Variants in AUTS2 observed in about 807,000 individuals in gnomAD.
AUTS2 encodes autism susceptibility gene 2 protein.
A neutral mutation model predicts 112.4 loss-of-function variants in AUTS2; 17 were observed. That is an observed-to-expected ratio of 0.15 (90% CI 0.10 to 0.23). AUTS2 has a LOEUF of 0.23. AUTS2 is among the 10% of genes least tolerant of loss of function. The pLI, the probability that AUTS2 is intolerant of heterozygous loss-of-function variation, is 1.00. For synonymous variants in AUTS2, 751 were observed against 702.7 expected (o/e 1.07, Z -1.09); for missense variants, 1,510 against 1,701.6 (o/e 0.89, Z 1.98).
At chr7:70,260,459 G>A (rs957300491) in intron 4 of AUTS2, among the ~76,000 whole-genome samples, 1 of 152,016 alleles carries the variant, frequency 6.6e-6, no homozygotes, top group Admixed American at 6.6e-5. Context: ...AGGGGCTGGG[G>A]CTGCATCTGG....
intron 1 of AUTS2, among the ~76,000 whole-genome samples, chr7:69,876,480 T>TTGTGTGTGTGTG (rs71097493): frequency 1.7e-5 from 1 of 60,508 alleles, no homozygotes; most frequent in Non-Finnish European, 3.0e-5. Context: ...ATAAAATATT[T>TTGTGTGTGTGTG]TGTGTATATA....
chr7:70,636,813 A>AT (rs540662731), intron 5 of AUTS2, among the ~76,000 whole-genome samples: 13 of 149,228 alleles, frequency 8.7e-5, no homozygotes, highest in East Asian at 3.9e-4. Context: ...TGCCCAAGTA[A>AT]TTTTTTTTTT....
chr7:70,292,001 G>T (rs1226107718), intron 4 of AUTS2: 1 of 152,136 alleles, frequency 6.6e-6, no homozygotes, highest in Non-Finnish European at 1.5e-5. Context: ...ACCCTGTTCA[G>T]TACTGGGCAC....
intron 4 of AUTS2, among the ~76,000 whole-genome samples, chr7:70,183,389 C>T (rs1809425018): frequency 6.6e-6 from 1 of 151,974 alleles, no homozygotes; most frequent in Non-Finnish European, 1.5e-5. Flanking sequence ...ATTTTATCAT[C>T]GCTATTTTAT....
At chr7:70,320,535 T>C (rs553669194) in intron 4 of AUTS2, among the ~76,000 whole-genome samples, 11 of 152,338 alleles carry the variant, frequency 7.2e-5, no homozygotes, top group Middle Eastern at 3.4e-3. Flanking sequence ...ATTTTATCCA[T>C]TTAGCAAACA....
At position 69,599,757 on chromosome 7, in the gene AUTS2, C is replaced by T; in HGVS notation, c.104C>T (p.Ala35Val). Residue 35 changes from alanine to valine, a missense_variant, in exon 1 of 19, where the codon GCC (alanine) becomes GTC (valine). By Grantham distance (64) the Ala-to-Val change is moderately conservative (BLOSUM62 0). Around this residue, in one of 3 missense-constraint regions of AUTS2, gnomAD observed 535 missense variants for 594.3 expected, o/e 0.90. Coordinates refer to ENST00000342771, the MANE Select transcript of AUTS2 (RefSeq NM_015570.4). This position sits in a 1 kb window ranked among gnomAD's most constrained non-coding sequence, Gnocchi z 7.0. ...CGGGGCGGGCTGGGGGCCGGCGCGG[C>T]CGGCGGCGGCGGGGCTGGCCGGACC... Reference protein sequence around the residue: ...RSRGGLGAGAAGGGGAGRTRA... With the variant: ...RSRGGLGAGAVGGGGAGRTRA... The T allele has an allele frequency of 1.5e-6, 2 of 1,370,952 alleles. No homozygotes were observed. Among genetic ancestry groups the T allele is most frequent in the Non-Finnish European group, 1.9e-6 (2 of 1,065,902 alleles). 84.9% of individuals were successfully genotyped at this position (1,370,952 alleles called of 1,614,324 possible).
intron 1 of AUTS2, among the ~76,000 whole-genome samples, chr7:69,655,387 TG>T (rs1240359951): frequency 2.6e-3 from 33 of 12,570 alleles, no homozygotes; most frequent in East Asian, 0.022. Flanking sequence ...TCTAGTTTTT[TG>T]TTGTTGTTGT....
chr7:70,451,712 G>A (rs558547930), intron 5 of AUTS2, among the ~76,000 whole-genome samples: 7 of 152,184 alleles, frequency 4.6e-5, no homozygotes, highest in African/African-American at 7.2e-5. Flanking sequence ...AAACAAAGTC[G>A]TAATGCTTTG....
chr7:70,496,718 C>A (rs1175591821), intron 5 of AUTS2, among the ~76,000 whole-genome samples: 1 of 132,158 alleles, frequency 7.6e-6, no homozygotes, highest in African/African-American at 2.9e-5. Flanking sequence ...ACGCACACAC[C>A]CCACACATGC....
At chr7:70,255,121 T>G (rs1016210920) in intron 4 of AUTS2, among the ~76,000 whole-genome samples, 8 of 147,570 alleles carry the variant, frequency 5.4e-5, no homozygotes, top group African/African-American at 2.0e-4. Flanking sequence ...TCGCCCAGGC[T>G]GGAGTACAAT....
At chr7:70,625,109 A>C (rs917377933) in intron 5 of AUTS2, among the ~76,000 whole-genome samples, 2 of 152,000 alleles carry the variant, frequency 1.3e-5, no homozygotes, top group African/African-American at 4.8e-5. Context: ...AGGACTCTGG[A>C]CTTTCCCTTT....
intron 5 of AUTS2, among the ~76,000 whole-genome samples, chr7:70,626,204 T>G (rs1804934106): frequency 6.7e-6 from 1 of 149,336 alleles, no homozygotes; most frequent in Non-Finnish European, 1.5e-5. Context: ...TGAGCCACCA[T>G]GCCTGCTCTG....
intron 2 of AUTS2, among the ~76,000 whole-genome samples, chr7:69,947,721 A>G (rs1055419650): frequency 2.6e-5 from 4 of 152,152 alleles, no homozygotes; most frequent in Non-Finnish European, 5.9e-5. Flanking sequence ...AGGCTTTCTA[A>G]GCTTGGTTGC....
chr7:70,186,343 T>C (rs547474126), intron 4 of AUTS2, among the ~76,000 whole-genome samples: 3 of 152,256 alleles, frequency 2.0e-5, no homozygotes, highest in Non-Finnish European at 4.4e-5. Flanking sequence ...AAAGAAACTT[T>C]GGGAGGATTT....
At chr7:70,545,194 AAAAG>A (rs1215005829) in intron 5 of AUTS2, among the ~76,000 whole-genome samples, 3 of 152,220 alleles carry the variant, frequency 2.0e-5, no homozygotes, top group African/African-American at 7.2e-5. Flanking sequence ...CTGTAATGCT[AAAAG>A]AGAGCCACCC....
chr7:70,224,695 C>G (rs527287972), intron 4 of AUTS2, among the ~76,000 whole-genome samples: 1 of 152,328 alleles, frequency 6.6e-6, no homozygotes, highest in Non-Finnish European at 1.5e-5. Flanking sequence ...CACTCACTCA[C>G]TCACCTAGAG....
intron 1 of AUTS2, among the ~76,000 whole-genome samples, chr7:69,692,486 C>G (rs1246062083): frequency 6.6e-6 from 1 of 152,142 alleles, no homozygotes; most frequent in Non-Finnish European, 1.5e-5. Context: ...TATGAACTAT[C>G]AAATATACAG....
chr7:70,133,822 C>T (rs980817318), intron 3 of AUTS2, among the ~76,000 whole-genome samples: 6 of 152,144 alleles, frequency 3.9e-5, no homozygotes, highest in African/African-American at 7.2e-5. Context: ...AAGTGATGCC[C>T]TGCATTCCTT....
intron 5 of AUTS2, among the ~76,000 whole-genome samples, chr7:70,551,223 C>T (rs1278994748): frequency 6.6e-6 from 1 of 151,994 alleles, no homozygotes; most frequent in Non-Finnish European, 1.5e-5. Context: ...AAGTAATTTA[C>T]ACAGATACCT....
Sources: gnomAD v4.1 joint callset for allele counts (sites outside exome capture counted in the v4.1 genomes callset) on GRCh38, gnomAD v4.1.1 for gene constraint, gnomAD v4.1.1 regional missense constraint, Gnocchi (gnomAD v3.1) non-coding constraint, MANE v1.5 for transcripts, NCBI Gene and HGNC (gene_info 2026-07-23, HGNC 2026-07-21) for gene names.